The following CEP112 variants were observed in gnomAD, a reference collection of about 807,000 sequenced individuals.
CEP112 encodes the protein centrosomal protein 112, also known as centrosomal protein of 112 kDa.
Under a neutral mutation model 153.0 loss-of-function variants are expected in CEP112, and 127 were observed. That is an observed-to-expected ratio of 0.83 (90% confidence interval 0.72 to 0.96). The LOEUF is 0.96. Among genes scored for constraint, CEP112 ranks in the 40% least tolerant of loss-of-function variants. CEP112 has a pLI of 0.00. For synonymous variants in CEP112, 358 were observed against 374.4 expected, an observed-to-expected ratio of 0.96 and a Z score of 0.51; for missense variants, 1,089 against 1,101.2, an observed-to-expected ratio of 0.99 and a Z score of 0.16.
intron 20 of CEP112, among the ~76,000 whole-genome samples, chr17:65,895,986 T>C (rs966322460): frequency 6.6e-6 from 1 of 152,114 alleles, no homozygotes; most frequent in Non-Finnish European, 1.5e-5. Context: ...CAAGAACAAT[T>C]TTAATATTTC....
intron 21 of CEP112, among the ~76,000 whole-genome samples, chr17:65,809,365 T>C (rs2055814552): frequency 6.6e-6 from 1 of 152,172 alleles, no homozygotes; most frequent in African/African-American, 2.4e-5. Context: ...AATTATATAA[T>C]CTCATTTATT....
chr17:65,710,408 T>C (rs1435979709), intron 23 of CEP112, among the ~76,000 whole-genome samples: 1 of 152,204 alleles, frequency 6.6e-6, no homozygotes, highest in Non-Finnish European at 1.5e-5. Flanking sequence ...TTTTTATCCT[T>C]TTGTACCATA....
chr17:65,988,710 G>A (rs2063487959), intron 17 of CEP112, among the ~76,000 whole-genome samples: 1 of 148,024 alleles, frequency 6.8e-6, no homozygotes, highest in South Asian at 2.1e-4. Flanking sequence ...CTGGCTACTT[G>A]AAAACACACA....
intron 4 of CEP112, among the ~76,000 whole-genome samples, chr17:66,165,957 T>G (rs966323157): frequency 6.6e-6 from 1 of 152,132 alleles, no homozygotes; most frequent in Non-Finnish European, 1.5e-5. Flanking sequence ...AAAATCTCAT[T>G]AAAGCAAAGA....
At chr17:65,796,621 G>C (rs1029396914) in intron 21 of CEP112, among the ~76,000 whole-genome samples, 24 of 152,072 alleles carry the variant, frequency 1.6e-4, no homozygotes, top group African/African-American at 4.6e-4. Flanking sequence ...GACTCTAAAA[G>C]CAAAACAAAA....
Position 65,857,482 on chromosome 17 carries a change from C to T in CEP112, c.2164-5448G>A, listed in dbSNP as rs186714266. Among the ~76,000 whole-genome samples, 28 of 152,232 alleles carry T rather than the reference C, an allele frequency of 1.8e-4. No homozygotes were observed. In the East Asian group the frequency reaches 3.7e-3, roughly 20 times the overall value. ...TAACCGAACTCCTGACCTCGTGATC[C>T]GCCCACCTCAGCCTCCCAAAGTGCT... On this transcript the variant is annotated intron_variant, in intron 20 of 26. Transcript: ENST00000535342.
At chr17:65,674,004 G>A (rs948703671) in intron 24 of CEP112, among the ~76,000 whole-genome samples, 6 of 152,128 alleles carry the variant, frequency 3.9e-5, no homozygotes, top group African/African-American at 1.4e-4. Context: ...AGTCTCCCGA[G>A]TAGCTGGGAT....
At chr17:65,884,661 T>C (rs971915594) in intron 20 of CEP112, among the ~76,000 whole-genome samples, 12 of 152,086 alleles carry the variant, frequency 7.9e-5, no homozygotes, top group African/African-American at 2.4e-4. Flanking sequence ...ACTATACATA[T>C]TCGGAATTTA....
At chr17:65,946,828 A>C (rs148149963) in intron 18 of CEP112, among the ~76,000 whole-genome samples, 1 of 152,270 alleles carries the variant, frequency 6.6e-6, no homozygotes. Context: ...TACACATGAT[A>C]TATCCCTCAG....
intron 6 of CEP112, among the ~76,000 whole-genome samples, chr17:66,109,384 A>G (rs2146361771): frequency 6.6e-6 from 1 of 152,270 alleles, no homozygotes; most frequent in Non-Finnish European, 1.5e-5. Flanking sequence ...CATTTACCTC[A>G]TAAATATACA....
chr17:65,985,278 G>T (rs1223380545), intron 17 of CEP112, among the ~76,000 whole-genome samples: 4 of 152,150 alleles, frequency 2.6e-5, no homozygotes, highest in African/African-American at 9.7e-5. Context: ...TGCAATAATT[G>T]TAAGAGGAAG....
At chr17:66,096,197 T>TAA in intron 8 of CEP112, 54 bp downstream of exon 8, 1 of 1,284,390 alleles carries the variant, frequency 7.8e-7, no homozygotes, top group African/African-American at 1.5e-5. Context: ...CTAGATTACA[T>TAA]AAAATATTAA....
intron 8 of CEP112, among the ~76,000 whole-genome samples, chr17:66,071,835 C>T (rs771630666): frequency 1.3e-5 from 2 of 152,058 alleles, no homozygotes; most frequent in African/African-American, 2.4e-5. Context: ...ATCTGAAATA[C>T]GAGGGAAGCA....
chr17:65,735,496 T>G (rs1833515228), intron 23 of CEP112, among the ~76,000 whole-genome samples: 1 of 152,188 alleles, frequency 6.6e-6, no homozygotes, highest in African/African-American at 2.4e-5. Context: ...TAAGATGGTG[T>G]TAAGTCTCAA....
chr17:66,057,795 AC>A (rs1568441803), intron 11 of CEP112, among the ~76,000 whole-genome samples: 76 of 137,120 alleles, frequency 5.5e-4, no homozygotes, highest in African/African-American at 2.1e-3. Flanking sequence ...ACACACACAC[AC>A]AGCCTTCAGT....
chr17:65,663,145 A>G (rs999105290), intron 24 of CEP112, among the ~76,000 whole-genome samples: 1 of 152,100 alleles, frequency 6.6e-6, no homozygotes, highest in Non-Finnish European at 1.5e-5. Context: ...CATTTTGATG[A>G]ACTGAATTAA....
chr17:66,042,524 C>T (rs2066029621), intron 12 of CEP112, among the ~76,000 whole-genome samples: 1 of 151,904 alleles, frequency 6.6e-6, no homozygotes, highest in Non-Finnish European at 1.5e-5. Context: ...CCAGTCAATA[C>T]TCCTCAAAAC....
At chr17:65,895,156 C>A (rs1234607138) in intron 20 of CEP112, among the ~76,000 whole-genome samples, 1 of 152,008 alleles carries the variant, frequency 6.6e-6, no homozygotes, top group Non-Finnish European at 1.5e-5. Context: ...CTTTCTGAAT[C>A]TTTCTTCATT....
At chr17:65,854,252 T>C (rs2058057777) in intron 20 of CEP112, among the ~76,000 whole-genome samples, 1 of 152,210 alleles carries the variant, frequency 6.6e-6, no homozygotes, top group African/African-American at 2.4e-5. Flanking sequence ...CAAAGCTAAA[T>C]GATGAGAAGT....
Sources: allele counts gnomAD v4.1 joint callset (sites outside exome capture counted in the v4.1 genomes callset), GRCh38; gene constraint gnomAD v4.1.1; transcripts MANE v1.5; gene names NCBI Gene and HGNC (gene_info 2026-07-23, HGNC 2026-07-21).